The following CACUL1 variants were observed in gnomAD, a reference collection of about 807,000 sequenced individuals.
The protein encoded by CACUL1 is CDK2-associated and cullin domain-containing protein 1.
A neutral mutation model predicts 45.2 loss-of-function variants in CACUL1; 13 were observed. The observed-to-expected ratio is 0.29, with a 90% CI of 0.19 to 0.46. The LOEUF is 0.46. Among genes scored for constraint, CACUL1 ranks in the 20% least tolerant of loss-of-function variants. CACUL1 has a pLI of 1.00. For synonymous variants in CACUL1, 197 were observed against 174.2 expected (o/e 1.13, Z -1.03); for missense variants, 421 against 471.4 (o/e 0.89, Z 0.99).
At position 118,686,015 on chromosome 10, in the gene CACUL1, C is replaced by T; in HGVS notation, c.*113G>A. 1.7e-6 allele frequency: 1 copy of T among 591,146 alleles called. No homozygotes were observed. Among genetic ancestry groups the T allele is most frequent in the Non-Finnish European group, 3.0e-6 (1 of 337,378 alleles). 36.6% of individuals were successfully genotyped at this position (591,146 alleles called of 1,614,324 possible). ...GAAGTCCAACATCCTCTTCCATGAA[C>T]AGCTTTGTGACAGAGCTCCTGAGTG... On this transcript the variant is annotated 3_prime_UTR_variant, in exon 9 of 9. Coordinates refer to ENST00000369151, the MANE Select transcript of CACUL1 (RefSeq NM_153810.5).
chr10:118,700,716 C>CAAAAAAAAAAAAAAAAAAAA lies in CACUL1; in HGVS notation c.796+589_796+590insTTTTTTTTTTTTTTTTTTTT, dbSNP rs59032746. Among the ~76,000 whole-genome samples the CAAAAAAAAAAAAAAAAAAAA allele has an allele frequency of 2.2e-4, 29 of 132,900 alleles. 2 individuals carry two copies. The highest frequency in any genetic ancestry group is 8.5e-4 in the African/African-American group (27 of 31,728). 87.2% of individuals were successfully genotyped at this position (132,900 alleles called of 152,430 possible). Reference sequence around the variant, plus strand: ...TAGGCGACAGAGCGAGACTCCGTCTCAAAAAAAAAAAAAAAAAAAGAATGG... The same window carrying CAAAAAAAAAAAAAAAAAAAA: ...TAGGCGACAGAGCGAGACTCCGTCTCAAAAAAAAAAAAAAAAAAAAAAAAAAAAAAAAAAAAAAAGAATGG... On this transcript the variant is annotated intron_variant, in intron 5 of 8. Transcript: ENST00000369151.
chr10:118,731,233 C>T (rs947881826), intron 1 of CACUL1, among the ~76,000 whole-genome samples: 5 of 152,172 alleles, frequency 3.3e-5, no homozygotes. Context: ...ACAGTTACCT[C>T]AGGAGTAACA....
intron 6 of CACUL1, among the ~76,000 whole-genome samples, chr10:118,692,047 G>GATTACCAAACAATTCT (rs1845276641): frequency 1.3e-5 from 2 of 151,858 alleles, no homozygotes; most frequent in Non-Finnish European, 1.5e-5. Context: ...TGAGTGGGAG[G>GATTACCAAACAATTCT]GGACTTGGTG....
chr10:118,709,937 G>C (rs568598925), intron 3 of CACUL1, among the ~76,000 whole-genome samples: 181 of 151,324 alleles, frequency 1.2e-3, no homozygotes, highest in African/African-American at 4.3e-3. Flanking sequence ...GAAAGGTCTT[G>C]CTCTGTCTTC....
chr10:118,727,892 G>A (rs1845665783), intron 3 of CACUL1, among the ~76,000 whole-genome samples: 1 of 152,176 alleles, frequency 6.6e-6, no homozygotes, highest in African/African-American at 2.4e-5. Context: ...CAGGTAGATG[G>A]TGGAGTGAAG....
In CACUL1 at chr10:118,729,313, T is replaced by G; in HGVS notation, c.579A>C (p.Arg193Ser). Residue 193 changes from arginine (R) to serine (S), a missense_variant, in exon 3 of 9, where the codon AGA becomes AGC. Around this residue, in one of 2 missense-constraint regions of CACUL1, gnomAD observed 208 missense variants for 298.4 expected, o/e 0.70. Transcript: ENST00000369151. ...LIKKITNHLERVSKELQASPP... is the reference protein window; with the variant it reads ...LIKKITNHLESVSKELQASPP... ...TCTTTACCTGCAGCTCCTTTGAGAC[T>G]CTCTCTAAGTGATTAGTTATCTTTT... is the stretch of plus-strand genomic sequence containing the variant. The G allele has an allele frequency of 6.2e-7, 1 of 1,612,170 alleles. No individual in the cohort carries two copies. Among genetic ancestry groups the G allele is most frequent in the Non-Finnish European group, 8.5e-7 (1 of 1,178,784 alleles).
At position 118,686,478 on chromosome 10, in the gene CACUL1, G is replaced by A. The variant is rs542404037; in HGVS notation, c.1069+120C>T. Reference sequence around the variant, plus strand: ...CAAAGCATCCTGACCTTGATTACAAGCAGTGCCTTATGAGAACAACATGGG... The same window carrying A: ...CAAAGCATCCTGACCTTGATTACAAACAGTGCCTTATGAGAACAACATGGG... On this transcript the variant is annotated intron_variant, in intron 8 of 8. Transcript: ENST00000369151. 1.4e-4 allele frequency: 118 copies of A among 824,134 alleles called. 1 individual carries two copies. In the African/African-American group the frequency reaches 1.9e-3, roughly 13 times the overall value. 51.1% of individuals were successfully genotyped at this position (824,134 alleles called of 1,614,324 possible).
At position 118,679,847 on chromosome 10, in the gene CACUL1, G is replaced by A. The variant is rs150914082; in HGVS notation, c.*6281C>T. The A allele has an allele frequency of 6.6e-6, 1 of 152,084 alleles. No individual in the cohort carries two copies. Among genetic ancestry groups the A allele is most frequent in the Non-Finnish European group, 1.5e-5 (1 of 67,996 alleles). 9.4% of individuals were successfully genotyped at this position (152,084 alleles called of 1,614,324 possible). On this transcript the variant is annotated 3_prime_UTR_variant, in exon 9 of 9. Coordinates refer to ENST00000369151, the MANE Select transcript of CACUL1 (RefSeq NM_153810.5). ...ATTTAAAAAATTTTTTTGTAGAGAT[G>A]GGGTTCTGTGTTACCCAGGCTGGTC...
intron 3 of CACUL1, among the ~76,000 whole-genome samples, chr10:118,723,600 A>G (rs769894737): frequency 8.5e-5 from 13 of 152,120 alleles, no homozygotes; most frequent in Non-Finnish European, 1.5e-4. Flanking sequence ...GTACTTCACA[A>G]TTTTGCCTGG....
chr10:118,686,229 A>T (rs1845204476), intron 8 of CACUL1, 61 bp from the exon 9 acceptor site: 11 of 1,360,916 alleles, frequency 8.1e-6, no homozygotes, highest in Non-Finnish European at 1.2e-5. Flanking sequence ...TAACAGCAGG[A>T]ATCTGTTTAT....
At chr10:118,733,400 A>C (rs1380399953) in intron 1 of CACUL1, among the ~76,000 whole-genome samples, 2 of 152,216 alleles carry the variant, frequency 1.3e-5, no homozygotes, top group African/African-American at 4.8e-5. Flanking sequence ...TGTTACCTGA[A>C]TAGTAAATAG....
At chr10:118,692,161 G>T (rs1298126354) in intron 6 of CACUL1, among the ~76,000 whole-genome samples, 1 of 151,990 alleles carries the variant, frequency 6.6e-6, no homozygotes, top group Non-Finnish European at 1.5e-5. Context: ...CAGCACAAAA[G>T]GTAGGAGGGA....
chr10:118,731,883 A>G (rs1397792873), intron 1 of CACUL1, among the ~76,000 whole-genome samples: 1 of 152,230 alleles, frequency 6.6e-6, no homozygotes, highest in Admixed American at 6.5e-5. Flanking sequence ...TGCAAAACAC[A>G]AAAAATGAAC....
At chr10:118,692,880 C>G (rs992665768) in intron 6 of CACUL1, 4 of 152,172 alleles carry the variant, frequency 2.6e-5, no homozygotes, top group African/African-American at 4.8e-5. Context: ...GCAAATGATA[C>G]AAGGACCAAT....
intron 4 of CACUL1, among the ~76,000 whole-genome samples, chr10:118,704,858 C>A (rs1446680380): frequency 6.6e-6 from 1 of 152,220 alleles, no homozygotes. Flanking sequence ...TTCAGCACAT[C>A]CTCATTCTTC....
chr10:118,692,780 T>G (rs1845284738), intron 6 of CACUL1: 1 of 152,194 alleles, frequency 6.6e-6, no homozygotes, highest in Non-Finnish European at 1.5e-5. Flanking sequence ...CTTGATGCTG[T>G]GGAACATTTG....
chr10:118,692,624 G>T (rs532943365), intron 6 of CACUL1: 3 of 152,126 alleles, frequency 2.0e-5, no homozygotes, highest in Admixed American at 6.5e-5. Context: ...TACTCATTTT[G>T]AATTGTTTTA....
chr10:118,726,845 C>T (rs1362784388), intron 3 of CACUL1, among the ~76,000 whole-genome samples: 1 of 151,928 alleles, frequency 6.6e-6, no homozygotes, highest in Non-Finnish European at 1.5e-5. Flanking sequence ...TATATTAGCA[C>T]GTTTAATAAA....
intron 3 of CACUL1, among the ~76,000 whole-genome samples, chr10:118,708,010 G>T (rs976250172): frequency 1.3e-5 from 2 of 151,808 alleles, no homozygotes; most frequent in African/African-American, 4.8e-5. Context: ...TAGCCAGGTG[G>T]GGGTGGCAGG....
Sources: allele counts gnomAD v4.1 joint callset (sites outside exome capture counted in the v4.1 genomes callset), GRCh38; gene constraint gnomAD v4.1.1; regional missense constraint gnomAD v4.1.1; transcripts MANE v1.5; gene names NCBI Gene and HGNC (gene_info 2026-07-23, HGNC 2026-07-21).